Variants in TTN observed in about 807,000 individuals in gnomAD.
The protein encoded by TTN is connectin.
A neutral mutation model predicts 3,223.0 loss-of-function variants in TTN; 1,525 were observed. The ratio of observed to expected loss-of-function variants is 0.47; its 90% confidence interval spans 0.45 to 0.49. The LOEUF (loss-of-function observed/expected upper bound fraction) is 0.49. TTN is among the 20% of genes least tolerant of loss of function. The pLI is 0.00. For synonymous variants in TTN, 14,094 were observed against 15,161.0 expected (o/e 0.93, Z 5.17); for missense variants, 40,786 against 43,424.0 (o/e 0.94, Z 5.40).
intron 330 of TTN, 162 bp from the exon 331 acceptor site, chr2:178,555,314 GC>G: frequency 1.5e-6 from 1 of 674,086 alleles, no homozygotes; most frequent in Non-Finnish European, 2.4e-6. Context: ...AAATTTATAG[GC>G]CACTCTTCTA....
Position 178,739,877 on chromosome 2 carries a change from T to C in TTN, c.13356A>G (p.Thr4452=), listed in dbSNP as rs992796171. 1.2e-6 allele frequency: 2 copies of C among 1,613,806 alleles called. No individual in the cohort carries two copies. The highest frequency in any genetic ancestry group is 8.5e-7 in the Non-Finnish European group (1 of 1,179,860). The change falls in exon 48 of 363, where the codon ACA becomes ACG. Residue 4452 remains threonine (T), a synonymous_variant. Coordinates refer to ENST00000589042, the MANE Select transcript of TTN (RefSeq NM_001267550.2). The stretch of plus-strand genomic sequence containing the variant: ...CTTCAATAATGATGGTTACTTCTTC[T>C]GTTACAGACTTTGCCGAAGTAACAA... The part of the protein sequence containing the change: ...MYLVTSAKSV[T]EEVTIIIEDV...
chr2:178,673,788 A>C, intron 151 of TTN, 78 bp from the exon 152 acceptor site: 1 of 981,654 alleles, frequency 1.0e-6, no homozygotes, highest in East Asian at 2.7e-5. Flanking sequence ...ATAAATAAAT[A>C]TCACAAAACA....
In TTN at chr2:178,753,448, A is replaced by T; in HGVS notation, c.11255-268T>A. 3 of 323,068 alleles carry T rather than the reference A, an allele frequency of 9.3e-6. No individual in the cohort carries two copies. The South Asian group carries it at 1.5e-4, about 16-fold the overall frequency. The allele number at this position is 323,068 out of a possible 1,614,324, so 20.0% of individuals were successfully genotyped here. ...TATAATTCCCCATGCCTTTACATGC[A>T]TGCAGAAAGCAATCTACAAACCGAA... On this transcript the variant is annotated intron_variant, in intron 46 of 362. Transcript: ENST00000589042.
At position 178,532,279 on chromosome 2, in the gene TTN, G is replaced by A. The variant is rs764402916; in HGVS notation, c.104336C>T (p.Thr34779Ile). 2 of 1,613,748 alleles carry A rather than the reference G, an allele frequency of 1.2e-6. No homozygotes were observed. The highest frequency in any genetic ancestry group is 1.7e-5 in the Admixed American group (1 of 59,988). ...EDEELLRPVT[T>I]TQHLSEYKSE... ...TTTGTATTCTGAGAGATGCTGGGTG[G>A]TCGTAACTGGGCGAAGCAACTCTTC... Residue 34779 changes from threonine to isoleucine, a missense_variant, in exon 358 of 363, where the codon ACC becomes ATC. Thr to Ile is a moderately conservative substitution (Grantham distance 89, BLOSUM62 -1). Coordinates refer to ENST00000589042, the MANE Select transcript of TTN (RefSeq NM_001267550.2).
At position 178,775,927 on chromosome 2, in the gene TTN, C is replaced by G; in HGVS notation, c.5937G>C (p.Leu1979Phe). ...DTTETKEVVK[L>F]KRAERITHEK... ...CATGGGTAATTCTTTCAGCCCTTTTCAACTTCACAACTTCTTTGGTTTCAG... is the reference window on the plus strand; with the variant it reads ...CATGGGTAATTCTTTCAGCCCTTTTGAACTTCACAACTTCTTTGGTTTCAG... Residue 1979 changes from leucine to phenylalanine, a missense_variant, in exon 28 of 363, where the codon TTG (leucine) becomes TTC (phenylalanine). Physicochemically the swap from Leu to Phe is conservative, Grantham distance 22. Coordinates refer to ENST00000589042, the MANE Select transcript of TTN (RefSeq NM_001267550.2). 1.2e-6 allele frequency: 2 copies of G among 1,614,154 alleles called. No individual in the cohort carries two copies. Among genetic ancestry groups the G allele is most frequent in the Non-Finnish European group, 1.7e-6 (2 of 1,180,014 alleles).
At chr2:178,692,873 T>A (rs1413436017) in intron 119 of TTN, among the ~76,000 whole-genome samples, 1 of 152,094 alleles carries the variant, frequency 6.6e-6, no homozygotes, top group African/African-American at 2.4e-5. Context: ...TCGATAACTA[T>A]GAAGTTAGTT....
At chr2:178,792,391 G>T (rs2093556280) in intron 9 of TTN, among the ~76,000 whole-genome samples, 194 bp from the exon 10 acceptor site, 1 of 152,098 alleles carries the variant, frequency 6.6e-6, no homozygotes, top group South Asian at 2.1e-4. Context: ...AAATTATGTA[G>T]GCTGCTTAGA....
rs1695923707 is a variant in TTN at position 178,544,149 on chromosome 2, T to C, written c.96029-34A>G. On this transcript the variant is annotated intron_variant, in intron 345 of 362. Transcript: ENST00000589042. ...TTAATGACAAAATTTAATTAATTCATGGACAGGTGTGAGAAGAAAATAATT... is the reference window on the plus strand; with the variant it reads ...TTAATGACAAAATTTAATTAATTCACGGACAGGTGTGAGAAGAAAATAATT... The C allele has an allele frequency of 4.4e-6, 7 of 1,602,558 alleles. No homozygotes were observed. The East Asian group carries it at 1.3e-4, about 31-fold the overall frequency.
At position 178,577,002 on chromosome 2, in the gene TTN, G is replaced by T. The variant is rs1274553766; in HGVS notation, c.69333C>A (p.Ile23111=). 16 of 1,613,380 alleles carry T rather than the reference G, an allele frequency of 9.9e-6. No individual in the cohort carries two copies. Among genetic ancestry groups the T allele is most frequent in the Non-Finnish European group, 1.1e-5 (13 of 1,179,586 alleles). ...AGTGGTTTACAGCTGAGACCCGGAA[G>T]ATGTACTCATTTCCTTGGATAAGTT... ...ATKLIQGNEY[I]FRVSAVNHYG... The change falls in exon 324 of 363, where the codon ATC becomes ATA. Residue 23111 remains isoleucine, a synonymous_variant. Coordinates refer to ENST00000589042, the MANE Select transcript of TTN (RefSeq NM_001267550.2).
rs879042216 is a variant in TTN, at chr2:178,682,726, C to T, written c.33065G>A (p.Arg11022Gln). 6.8e-6 allele frequency: 11 copies of T among 1,612,428 alleles called. No homozygotes were observed. Among genetic ancestry groups the T allele is most frequent in the African/African-American group, 6.7e-5 (5 of 74,852 alleles). The change falls in exon 135 of 363, where the codon CGA (arginine) becomes CAA (glutamine). Residue 11022 changes from arginine to glutamine, a missense_variant. By Grantham distance (43) the Arg-to-Gln change is conservative. Transcript: ENST00000589042. ...GATGTATTCTTCATGCTCTTCATATCGTTCATACTCCCGCTCCTCGTATTC... is the reference window on the plus strand; with the variant it reads ...GATGTATTCTTCATGCTCTTCATATTGTTCATACTCCCGCTCCTCGTATTC... Reference protein sequence around the residue: ...YEEYEEREYERYEEHEEYITE... With the variant: ...YEEYEEREYEQYEEHEEYITE...
chr2:178,758,808 A>G (rs775514179), intron 44 of TTN, 176 bp downstream of exon 44: 7 of 685,392 alleles, frequency 1.0e-5, no homozygotes, highest in South Asian at 5.2e-5. Flanking sequence ...ATGATTCACA[A>G]TGAAAAGTGG....
At chr2:178,627,869 G>C (rs188975508) in intron 240 of TTN, among the ~76,000 whole-genome samples, 167 of 152,116 alleles carry the variant, frequency 1.1e-3, no homozygotes, top group African/African-American at 3.9e-3. Flanking sequence ...GATCTAGAAA[G>C]AATCTTGAAA....
chr2:178,719,825 T>A lies in TTN; in HGVS notation c.23667A>T (p.Ala7889=). The change falls in exon 82 of 363, where the codon GCA becomes GCT. Residue 7889 remains alanine, a synonymous_variant. Coordinates refer to ENST00000589042, the MANE Select transcript of TTN (RefSeq NM_001267550.2). Reference sequence around the variant, plus strand: ...TGGGTTCGGGCTTCTCTATGATTCTTGCTGGTTCTAAAAGAAGAAGTATTT... The same window carrying A: ...TGGGTTCGGGCTTCTCTATGATTCTAGCTGGTTCTAAAAGAAGAAGTATTT... ...CSAVLTVLEP[A]RIIEKPEPMT... 1 of 1,603,590 alleles carries A rather than the reference T, an allele frequency of 6.2e-7. No individual in the cohort carries two copies. The highest frequency in any genetic ancestry group is 8.5e-7 in the Non-Finnish European group (1 of 1,174,032).
chr2:178,803,034 GT>G (rs2094142437), intron 2 of TTN, among the ~76,000 whole-genome samples: 1 of 152,146 alleles, frequency 6.6e-6, no homozygotes, highest in Non-Finnish European at 1.5e-5. Context: ...CATGTCCATG[GT>G]TTGATGTTTT....
rs1331792718 is a variant in TTN at position 178,745,811 on chromosome 2, G to GCTGT, written c.11312-3894_11312-3891dup. On this transcript the variant is annotated intron_variant, in intron 47 of 362. Coordinates refer to ENST00000589042, the MANE Select transcript of TTN (RefSeq NM_001267550.2). ...ACGAACTAAGCACTGAAAATATGCT[G>GCTGT]CTGTACCTATTGGTGCATAACAGTC... 3.1e-6 allele frequency: 5 copies of GCTGT among 1,613,162 alleles called. No individual in the cohort carries two copies. The African/African-American group carries it at 6.7e-5, about 22-fold the overall frequency.
rs1560373431 is a variant in TTN, at chr2:178,685,520, T to A, written c.32390A>T (p.Glu10797Val). ...ISKRVEAEPA[E>V]VTERQEKKIV... ...AACTAATTAAAGAGTCAGCATACCT[T>A]CAGCTGGCTCAGCTTCCACTCTCTT... Residue 10797 changes from glutamate to valine, a missense_variant and splice_region_variant, in exon 128 of 363, where the codon GAA becomes GTA. Glu to Val is a moderately radical substitution (Grantham distance 121). Transcript: ENST00000589042. 1 of 1,612,232 alleles carries A rather than the reference T, an allele frequency of 6.2e-7. No individual in the cohort carries two copies. The highest frequency in any genetic ancestry group is 8.5e-7 in the Non-Finnish European group (1 of 1,179,112).
rs753802188 is a variant in TTN at position 178,730,496 on chromosome 2, T to C, written c.18028+9A>G. On this transcript the variant is annotated intron_variant, in intron 61 of 362. Transcript: ENST00000589042. Reference sequence around the variant, plus strand: ...AAGTTCTTGATAAGTGGAAATAAAATTTGCCAACCTTTGACTGTCAGATGC... The same window carrying C: ...AAGTTCTTGATAAGTGGAAATAAAACTTGCCAACCTTTGACTGTCAGATGC... 1 of 1,582,296 alleles carries C rather than the reference T, an allele frequency of 6.3e-7. No individual in the cohort carries two copies. Among genetic ancestry groups the C allele is most frequent in the Middle Eastern group, 1.7e-4 (1 of 5,906 alleles).
intron 216 of TTN, 36 bp from the exon 217 acceptor site, chr2:178,646,066 T>C (rs2061889736): frequency 2.7e-6 from 3 of 1,096,290 alleles, no homozygotes; most frequent in Non-Finnish European, 2.5e-6. Flanking sequence ...AGTATATGTA[T>C]ATGTTAGCAT....
rs764117771 is a variant in TTN, at chr2:178,564,573, C to A, written c.81559G>T (p.Val27187Phe). The A allele has an allele frequency of 4.3e-6, 7 of 1,613,436 alleles. No homozygotes were observed. The highest frequency in any genetic ancestry group is 1.7e-4 in the Middle Eastern group (1 of 6,060). The change falls in exon 326 of 363, where the codon GTC (valine) becomes TTC (phenylalanine). Residue 27187 changes from valine to phenylalanine, a missense_variant. Transcript: ENST00000589042. ...GCAGGTTTCTTCCATTTCAGTGTGA[C>A]ATTGTTTCTTGTAATAACAATGGCT... ...PEAIVITRNN[V>F]TLKWKKPAYD...
Sources: allele counts gnomAD v4.1 joint callset (sites outside exome capture counted in the v4.1 genomes callset), GRCh38; gene constraint gnomAD v4.1.1; transcripts MANE v1.5; gene names NCBI Gene and HGNC (gene_info 2026-07-23, HGNC 2026-07-21).